SUPT3H: variants seen among roughly 807,000 people sequenced by gnomAD.
The protein encoded by SUPT3H is SPT3 homolog, SAGA and STAGA complex component, also known as transcription initiation protein SPT3 homolog.
Under a neutral mutation model 44.3 loss-of-function variants are expected in SUPT3H, and 44 were observed. The ratio of observed to expected loss-of-function variants is 0.99; its 90% CI spans 0.78 to 1.28. The LOEUF is 1.28. SUPT3H is among the 50% of genes most tolerant of loss of function. The pLI, the probability that SUPT3H is intolerant of heterozygous loss-of-function variation, is 0.00. For synonymous variants in SUPT3H, 124 were observed against 125.6 expected, an observed-to-expected ratio of 0.99 and a Z score of 0.09; for missense variants, 380 against 387.1, an observed-to-expected ratio of 0.98 and a Z score of 0.15.
chr6:44,821,022 T>C (rs1246480141), intron 11 of SUPT3H, among the ~76,000 whole-genome samples: 2 of 152,128 alleles, frequency 1.3e-5, no homozygotes, highest in Non-Finnish European at 2.9e-5. Flanking sequence ...GGCTACTTTT[T>C]TAATTTTTTG....
At chr6:45,062,036 T>C (rs942699461) in intron 3 of SUPT3H, among the ~76,000 whole-genome samples, 1 of 151,744 alleles carries the variant, frequency 6.6e-6, no homozygotes, top group Non-Finnish European at 1.5e-5. Context: ...TTCTTGATAT[T>C]AGACATTATC....
intron 10 of SUPT3H, among the ~76,000 whole-genome samples, chr6:44,889,855 C>T (rs1287675886): frequency 3.9e-5 from 6 of 152,056 alleles, no homozygotes; most frequent in Admixed American, 6.6e-5. Context: ...ATTTTCGCAA[C>T]CTACTTATCT....
intron 3 of SUPT3H, among the ~76,000 whole-genome samples, chr6:45,067,562 C>T (rs1305889043): frequency 2.0e-5 from 3 of 151,556 alleles, no homozygotes; most frequent in Non-Finnish European, 4.4e-5. Flanking sequence ...ACAACCTACT[C>T]ATCTGACAAA....
chr6:44,974,632 C>G (rs1778067541), intron 6 of SUPT3H, among the ~76,000 whole-genome samples: 2 of 152,174 alleles, frequency 1.3e-5, no homozygotes, highest in South Asian at 4.1e-4. Flanking sequence ...GACAAAGTGA[C>G]CTTTTAAAAA....
intron 2 of SUPT3H, among the ~76,000 whole-genome samples, chr6:45,251,941 CAT>C (rs1002308499): frequency 7.9e-4 from 120 of 152,026 alleles, no homozygotes; most frequent in African/African-American, 2.6e-3. Context: ...AGAAAAAAAA[CAT>C]TATCTCAAAT....
intron 2 of SUPT3H, among the ~76,000 whole-genome samples, chr6:45,190,274 C>G (rs149593521): frequency 2.4e-4 from 37 of 152,086 alleles, no homozygotes; most frequent in African/African-American, 8.7e-4. Context: ...GAAAAAGATT[C>G]AAATTCCATG....
intron 2 of SUPT3H, among the ~76,000 whole-genome samples, chr6:45,270,447 A>G (rs917733958): frequency 5.3e-5 from 8 of 152,112 alleles, no homozygotes; most frequent in African/African-American, 1.9e-4. Flanking sequence ...GTAGTACATA[A>G]GTCTCACGAG....
rs749068370 is a variant in SUPT3H at position 45,003,732 on chromosome 6, T to A, written c.425A>T (p.Asn142Ile). The A allele has an allele frequency of 6.2e-7, 1 of 1,613,874 alleles. No individual in the cohort carries two copies. Among genetic ancestry groups the A allele is most frequent in the South Asian group, 1.1e-5 (1 of 91,076 alleles). Residue 142 changes from asparagine to isoleucine, a missense_variant, in exon 6 of 11, where the codon AAC becomes ATC. Physicochemically the swap from Asn to Ile is moderately radical, Grantham distance 149 (BLOSUM62 -3). Coordinates refer to ENST00000371459, the MANE Select transcript of SUPT3H (RefSeq NM_003599.4). ...KRQKIAQDFL[N>I]SIDQTGELLA... ...AAGTTCTCCTGTCTGGTCAATAGAG[T>A]TGAGGAAGTCCTGAGCAATCTTTTG...
intron 3 of SUPT3H, among the ~76,000 whole-genome samples, chr6:45,027,463 T>C (rs1476720294): frequency 1.3e-5 from 2 of 152,226 alleles, no homozygotes; most frequent in Admixed American, 1.3e-4. Flanking sequence ...CTGTGTCATC[T>C]TGGAATCAGT....
chr6:45,180,925 A>G lies in SUPT3H; in HGVS notation c.102-74919T>C, dbSNP rs1364848314. Among the ~76,000 whole-genome samples, 889 of 150,876 alleles carry G rather than the reference A, an allele frequency of 5.9e-3. 11 individuals carry two copies. Among genetic ancestry groups the G allele is most frequent in the African/African-American group, 0.021 (850 of 41,136 alleles). ...GCAAAAGAAACTACCATCAGAGTGAACAGGCAACCTACAAAATGGGAGAAA... is the reference window on the plus strand; with the variant it reads ...GCAAAAGAAACTACCATCAGAGTGAGCAGGCAACCTACAAAATGGGAGAAA... On this transcript the variant is annotated intron_variant, in intron 2 of 10. Transcript: ENST00000371459.
intron 1 of SUPT3H, 138 bp from the exon 2 acceptor site, chr6:45,365,439 CACTTAT>C (rs1290026161): frequency 6.3e-5 from 37 of 588,238 alleles, no homozygotes; most frequent in South Asian, 4.6e-4. Context: ...AAAACTGATT[CACTTAT>C]ACTTAATGTT....
At chr6:45,363,084 A>C (rs142025540) in intron 2 of SUPT3H, among the ~76,000 whole-genome samples, 5,848 of 152,122 alleles carry the variant, frequency 0.038, 146 homozygotes, top group Middle Eastern at 0.058. Context: ...AGAGATTATC[A>C]AACTTTTTCT....
Position 44,870,889 on chromosome 6 carries a change from A to C in SUPT3H, c.913-41032T>G, listed in dbSNP as rs570931861. Among the ~76,000 whole-genome samples the C allele has an allele frequency of 2.3e-3, 342 of 151,884 alleles. 1 individual carries two copies. Among genetic ancestry groups the C allele is most frequent in the African/African-American group, 7.5e-3 (312 of 41,450 alleles). ...TCCGAGTCAAAGAAAGGGGTGACGG[A>C]TGCACCTGGAAAATCGGGTCACTCC... is the stretch of plus-strand genomic sequence containing the variant. On this transcript the variant is annotated intron_variant, in intron 10 of 10. Coordinates refer to ENST00000371459, the MANE Select transcript of SUPT3H (RefSeq NM_003599.4).
At position 45,072,701 on chromosome 6, in the gene SUPT3H, T is replaced by C. The variant is rs1001954249; in HGVS notation, c.186+33221A>G. 8.5e-5 allele frequency among the ~76,000 whole-genome samples: 13 copies of C among 152,228 alleles called. 1 individual carries two copies. In the South Asian group the frequency reaches 2.7e-3, roughly 32 times the overall value. On this transcript the variant is annotated intron_variant, in intron 3 of 10. Coordinates refer to ENST00000371459, the MANE Select transcript of SUPT3H (RefSeq NM_003599.4). Reference sequence around the variant, plus strand: ...TGGTTAAAGTATTCGTAAAATGTTTTCACATTCAGAGTCTGACTCTTCTGA... The same window carrying C: ...TGGTTAAAGTATTCGTAAAATGTTTCCACATTCAGAGTCTGACTCTTCTGA...
At chr6:44,841,004 A>T (rs900923608) in intron 10 of SUPT3H, among the ~76,000 whole-genome samples, 2 of 152,216 alleles carry the variant, frequency 1.3e-5, no homozygotes, top group African/African-American at 4.8e-5. Flanking sequence ...ATGATAATGT[A>T]CATGAAAGTA....
At chr6:45,377,511 A>C (rs3749863) in intron 1 of SUPT3H, 105,275 of 151,704 alleles carry the variant, frequency 0.69, 38,179 homozygotes, top group African/African-American at 0.92. Flanking sequence ...CACCCGCCAA[A>C]AGGGAGGAGT....
At chr6:45,351,050 G>A (rs190651385) in intron 2 of SUPT3H, among the ~76,000 whole-genome samples, 1 of 152,218 alleles carries the variant, frequency 6.6e-6, no homozygotes, top group African/African-American at 2.4e-5. Flanking sequence ...GATGTGAGGT[G>A]TAACAGTTGC....
chr6:45,139,277 A>G (rs1039568664), intron 2 of SUPT3H, among the ~76,000 whole-genome samples: 2 of 152,218 alleles, frequency 1.3e-5, no homozygotes, highest in African/African-American at 2.4e-5. Context: ...AACCTCTATT[A>G]TATTTTACAA....
intron 3 of SUPT3H, among the ~76,000 whole-genome samples, chr6:45,068,826 A>C (rs182140025): frequency 5.3e-5 from 8 of 152,240 alleles, no homozygotes; most frequent in Admixed American, 4.6e-4. Context: ...TAACCAGCTT[A>C]ACCTGGGCTT....
Sources: gnomAD v4.1 joint callset for allele counts (sites outside exome capture counted in the v4.1 genomes callset) on GRCh38, gnomAD v4.1.1 for gene constraint, MANE v1.5 for transcripts, NCBI Gene and HGNC (gene_info 2026-07-23, HGNC 2026-07-21) for gene names.